BAIAP2L1: variants seen among roughly 807,000 people sequenced by gnomAD.
The protein encoded by BAIAP2L1 is BAR/IMD domain containing adaptor protein 2 like 1, also known as BAR/IMD domain-containing adapter protein 2-like 1.
In BAIAP2L1, 35 loss-of-function variants were observed where a neutral mutation model predicts 66.3. The ratio of observed to expected loss-of-function variants is 0.53; its 90% CI spans 0.40 to 0.70. The LOEUF (loss-of-function observed/expected upper bound fraction) is 0.70, where lower values mean the gene tolerates loss of function less well. Among genes scored for constraint, BAIAP2L1 ranks in the 30% least tolerant of loss-of-function variants. The pLI is 0.00. For missense variants in BAIAP2L1, 622 were observed against 656.9 expected (o/e 0.95, Z 0.58); for synonymous variants, 269 against 248.7 (o/e 1.08, Z -0.77).
chr7:98,320,010 G>T (rs751248510), intron 5 of BAIAP2L1, 48 bp downstream of exon 5: 1 of 1,492,962 alleles, frequency 6.7e-7, no homozygotes, highest in Non-Finnish European at 9.2e-7. Flanking sequence ...CCCAGGCTGG[G>T]AGGTCAGGCA....
In BAIAP2L1 at chr7:98,393,132, C is replaced by CACATATGTGTACATATATATGT. The variant is rs1562796004; in HGVS notation, c.51+7669_51+7670insACATATATATGTACACATATGT. Among the ~76,000 whole-genome samples, 27 of 71,926 alleles carry CACATATGTGTACATATATATGT rather than the reference C, an allele frequency of 3.8e-4. 1 individual carries two copies. Among genetic ancestry groups the CACATATGTGTACATATATATGT allele is most frequent in the South Asian group, 1.8e-3 (4 of 2,268 alleles). The allele number at this position is 71,926 out of a possible 152,430, so 47.2% of individuals were successfully genotyped here. ...ATATGTACACATATATGTATATATACACACATATGTGTACATATATATGTA... is the reference window on the plus strand; with the variant it reads ...ATATGTACACATATATGTATATATACACATATGTGTACATATATATGTACACATATGTGTACATATATATGTA... On this transcript the variant is annotated intron_variant, in intron 1 of 13. Transcript: ENST00000005260.
chr7:98,393,781 G>C (rs1803130171), intron 1 of BAIAP2L1, among the ~76,000 whole-genome samples: 1 of 148,014 alleles, frequency 6.8e-6, no homozygotes, highest in Non-Finnish European at 1.5e-5. Flanking sequence ...CACCGCGCCT[G>C]GTTTATGTAA....
At chr7:98,294,216 CT>C in intron 12 of BAIAP2L1, 105 bp from the exon 13 acceptor site, 1 of 1,201,972 alleles carries the variant, frequency 8.3e-7, no homozygotes, top group Non-Finnish European at 1.2e-6. Flanking sequence ...TGGTTTCGAA[CT>C]CCTGAGCTCA....
At chr7:98,338,917 T>TGC in intron 3 of BAIAP2L1, among the ~76,000 whole-genome samples, 1 of 151,784 alleles carries the variant, frequency 6.6e-6, no homozygotes, top group African/African-American at 2.4e-5. Flanking sequence ...CTACTAAAAA[T>TGC]ACAAAATTAG....
intron 12 of BAIAP2L1, among the ~76,000 whole-genome samples, chr7:98,303,684 G>T (rs1485034551): frequency 1.3e-5 from 2 of 152,150 alleles, no homozygotes; most frequent in African/African-American, 2.4e-5. Flanking sequence ...CTCCATGCTG[G>T]GCCCCCAGAG....
intron 12 of BAIAP2L1, among the ~76,000 whole-genome samples, chr7:98,303,441 G>A (rs1048410230): frequency 2.0e-5 from 3 of 152,192 alleles, no homozygotes; most frequent in Admixed American, 6.5e-5. Flanking sequence ...GCCCGGGAGT[G>A]ATGTCCAGCC....
intron 3 of BAIAP2L1, among the ~76,000 whole-genome samples, chr7:98,351,092 C>T (rs1363990945): frequency 2.0e-5 from 3 of 152,130 alleles, no homozygotes; most frequent in African/African-American, 7.2e-5. Context: ...AACTCCTGAC[C>T]TCGGGTGATC....
chr7:98,347,005 AC>A (rs993129066), intron 3 of BAIAP2L1, among the ~76,000 whole-genome samples: 43 of 151,868 alleles, frequency 2.8e-4, no homozygotes, highest in African/African-American at 9.9e-4. Context: ...AACAACAACA[AC>A]AACAACAACA....
intron 3 of BAIAP2L1, among the ~76,000 whole-genome samples, chr7:98,325,963 G>C (rs964114453): frequency 4.6e-5 from 7 of 152,228 alleles, no homozygotes; most frequent in Admixed American, 6.5e-5. Flanking sequence ...AGTTGGAAGT[G>C]AGGTGCCCTC....
At position 98,387,944 on chromosome 7, in the gene BAIAP2L1, G is replaced by A. The variant is rs373057580; in HGVS notation, c.51+12858C>T. Among the ~76,000 whole-genome samples, 200 of 152,094 alleles carry A rather than the reference G, an allele frequency of 1.3e-3. 1 individual carries two copies. Among genetic ancestry groups the A allele is most frequent in the African/African-American group, 4.4e-3 (182 of 41,498 alleles). On this transcript the variant is annotated intron_variant, in intron 1 of 13. Coordinates refer to ENST00000005260, the MANE Select transcript of BAIAP2L1 (RefSeq NM_018842.5). ...AAGGACCATATAGCTCCTTCAGGGA[G>A]ATAAAAATGTGTGCCAATATTTTCA...
At chr7:98,383,818 G>A (rs375437288) in intron 1 of BAIAP2L1, among the ~76,000 whole-genome samples, 3 of 151,892 alleles carry the variant, frequency 2.0e-5, no homozygotes, top group African/African-American at 7.3e-5. Flanking sequence ...CCTACGTTGA[G>A]CCCACCCCAT....
intron 3 of BAIAP2L1, among the ~76,000 whole-genome samples, chr7:98,336,273 C>G (rs542860205): frequency 1.3e-5 from 2 of 152,254 alleles, no homozygotes; most frequent in South Asian, 4.1e-4. Context: ...AACAAACCCA[C>G]ACATGCACCC....
intron 1 of BAIAP2L1, among the ~76,000 whole-genome samples, chr7:98,367,465 G>A (rs1157556963): frequency 3.3e-5 from 5 of 151,508 alleles, no homozygotes; most frequent in South Asian, 4.2e-4. Flanking sequence ...CTGCCTCCCC[G>A]GTTCAAGCAA....
intron 12 of BAIAP2L1, among the ~76,000 whole-genome samples, chr7:98,302,958 A>G (rs1229860625): frequency 2.6e-5 from 4 of 151,866 alleles, no homozygotes; most frequent in Non-Finnish European, 5.9e-5. Flanking sequence ...CTAATTTTTT[A>G]TATTTTTTGT....
intron 3 of BAIAP2L1, among the ~76,000 whole-genome samples, chr7:98,339,894 C>A (rs1170879815): frequency 6.6e-6 from 1 of 152,186 alleles, no homozygotes; most frequent in Non-Finnish European, 1.5e-5. Flanking sequence ...GGCACAGCCC[C>A]AGGTCCTTTG....
chr7:98,330,553 A>G (rs1437960777), intron 3 of BAIAP2L1, among the ~76,000 whole-genome samples: 1 of 152,206 alleles, frequency 6.6e-6, no homozygotes, highest in Non-Finnish European at 1.5e-5. Flanking sequence ...GCTACTCGGG[A>G]GGCTGAGGCA....
intron 1 of BAIAP2L1, among the ~76,000 whole-genome samples, chr7:98,372,257 T>C (rs2115767715): frequency 6.6e-6 from 1 of 152,052 alleles, no homozygotes; most frequent in South Asian, 2.1e-4. Context: ...AATACAAAAA[T>C]TAGCTGGGCA....
At position 98,293,836 on chromosome 7, in the gene BAIAP2L1, C is replaced by T. The variant is rs545400495; in HGVS notation, c.1460+238G>A. ...GCGTTCTGGACGTGGGCACCCACAC[C>T]TCTTTAGTCCTGCATTGTGTGTGAC... On this transcript the variant is annotated intron_variant, in intron 13 of 13. Transcript: ENST00000005260. 3.3e-5 allele frequency among the ~76,000 whole-genome samples: 5 copies of T among 152,362 alleles called. No individual in the cohort carries two copies. In the South Asian group the frequency reaches 1.0e-3, roughly 32 times the overall value.
chr7:98,329,661 C>T (rs1036699238), intron 3 of BAIAP2L1, among the ~76,000 whole-genome samples: 2 of 151,510 alleles, frequency 1.3e-5, no homozygotes, highest in Non-Finnish European at 2.9e-5. Flanking sequence ...AGGGAAAGGG[C>T]GACTTGCTAA....
Sources: allele counts gnomAD v4.1 joint callset (sites outside exome capture counted in the v4.1 genomes callset), GRCh38; gene constraint gnomAD v4.1.1; transcripts MANE v1.5; gene names NCBI Gene and HGNC (gene_info 2026-07-23, HGNC 2026-07-21).